The following C7orf57 variants were observed in gnomAD, a reference collection of about 807,000 sequenced individuals.
The protein encoded by C7orf57 is chromosome 7 open reading frame 57, also known as uncharacterized protein C7orf57.
In C7orf57, 33 loss-of-function variants were observed where a neutral mutation model predicts 39.0. That is an observed-to-expected ratio of 0.85 (90% confidence interval 0.64 to 1.13). The LOEUF is 1.13. C7orf57 is among the 50% of genes most tolerant of loss of function. The probability of loss-of-function intolerance (pLI) is 0.00; values close to 1 mark genes in which losing one functional copy is unlikely to be tolerated. For synonymous variants in C7orf57, 124 were observed against 137.1 expected (o/e 0.90, Z 0.67); for missense variants, 346 against 362.3 (o/e 0.95, Z 0.37).
intron 2 of C7orf57, among the ~76,000 whole-genome samples, chr7:48,040,373 A>G (rs1790511058): frequency 6.6e-6 from 1 of 152,190 alleles, no homozygotes; most frequent in Admixed American, 6.5e-5. Flanking sequence ...CACACAATCT[A>G]CACTCACTGT....
At position 48,052,940 on chromosome 7, in the gene C7orf57, CA is replaced by C; in HGVS notation, c.829+18del. 6.3e-7 allele frequency: 1 copy of C among 1,587,382 alleles called. No homozygotes were observed. Among genetic ancestry groups the C allele is most frequent in the Non-Finnish European group, 8.6e-7 (1 of 1,156,934 alleles). On this transcript the variant is annotated intron_variant, in intron 7 of 8. Coordinates refer to ENST00000348904, the MANE Select transcript of C7orf57 (RefSeq NM_001100159.3). ...ACACCCCAGGTGAGGCACAAGCAGC[CA>C]TCTGCATTTATTGGAGGCTTGGTTA...
rs561107896 is a variant in C7orf57 at position 48,046,674 on chromosome 7, G to A, written c.507+58G>A. On this transcript the variant is annotated intron_variant, in intron 5 of 8. Transcript: ENST00000348904. Reference sequence around the variant, plus strand: ...ATCCGCTTTGCTTCTGTGGTCTCGAGTAATTAAGTGCTGTGATGTTAGCTG... The same window carrying A: ...ATCCGCTTTGCTTCTGTGGTCTCGAATAATTAAGTGCTGTGATGTTAGCTG... 3.2e-4 allele frequency: 492 copies of A among 1,550,504 alleles called. 6 individuals carry two copies. In the African/African-American group the frequency reaches 6.0e-3, roughly 19 times the overall value.
chr7:48,045,693 G>T (rs1244626888), intron 4 of C7orf57, among the ~76,000 whole-genome samples: 1 of 152,172 alleles, frequency 6.6e-6, no homozygotes, highest in African/African-American at 2.4e-5. Flanking sequence ...GACACTGCAT[G>T]GGGGGTTTGT....
At chr7:48,046,640 G>T (rs150041609) in intron 5 of C7orf57, 24 bp downstream of exon 5, 9 of 1,601,958 alleles carry the variant, frequency 5.6e-6, no homozygotes, top group Non-Finnish European at 7.7e-6. Context: ...ATAAATAGAC[G>T]GCATCCGCAT....
rs180700984 is a variant in C7orf57 at position 48,048,047 on chromosome 7, T to G, written c.507+1431T>G. On this transcript the variant is annotated intron_variant, in intron 5 of 8. Transcript: ENST00000348904. ...GTATCACTCTCAAATCAAGTGGGGT[T>G]TTTAAGTTAGTACCCATTTACAAAA... Among the ~76,000 whole-genome samples, 153 of 152,236 alleles carry G rather than the reference T, an allele frequency of 1.0e-3. 1 individual carries two copies. The highest frequency in any genetic ancestry group is 1.2e-3 in the Admixed American group (19 of 15,302).
intron 6 of C7orf57, among the ~76,000 whole-genome samples, chr7:48,051,668 C>T (rs968610051): frequency 6.7e-6 from 1 of 149,612 alleles, no homozygotes; most frequent in Non-Finnish European, 1.5e-5. Flanking sequence ...TCCTTTCTTC[C>T]TTTCTTCCTT....
At position 48,060,343 on chromosome 7, in the gene C7orf57, T is replaced by C; in HGVS notation, c.*71T>C. The C allele has an allele frequency of 4.2e-6, 4 of 945,572 alleles. No individual in the cohort carries two copies. The highest frequency in any genetic ancestry group is 5.5e-4 in the Middle Eastern group (2 of 3,636). The allele number at this position is 945,572 out of a possible 1,614,324, so 58.6% of individuals were successfully genotyped here. On this transcript the variant is annotated 3_prime_UTR_variant, in exon 9 of 9. Coordinates refer to ENST00000348904, the MANE Select transcript of C7orf57 (RefSeq NM_001100159.3). The stretch of plus-strand genomic sequence containing the variant: ...ATGACATGACTGTATTATAGCTATA[T>C]TTCTGAGGCTTTTTTTGTATTTTAT...
intron 6 of C7orf57, among the ~76,000 whole-genome samples, chr7:48,051,424 C>A (rs1345960306): frequency 7.2e-6 from 1 of 139,088 alleles, no homozygotes; most frequent in South Asian, 2.3e-4. Context: ...AATCTTGGCT[C>A]ACTGCAAGCT....
intron 6 of C7orf57, among the ~76,000 whole-genome samples, chr7:48,051,810 TTCTCTTC>T (rs1790920817): frequency 1.3e-5 from 1 of 74,470 alleles, no homozygotes; most frequent in African/African-American, 5.9e-5. Context: ...TTCCTTCCTT[TTCTCTTC>T]TCTTTCTTTC....
At chr7:48,050,390 G>C (rs1329540733) in intron 6 of C7orf57, among the ~76,000 whole-genome samples, 1 of 152,220 alleles carries the variant, frequency 6.6e-6, no homozygotes, top group Non-Finnish European at 1.5e-5. Context: ...AAGCGTGCTG[G>C]CTCTGTTTCC....
chr7:48,043,906 A>G (rs558062366), intron 4 of C7orf57, among the ~76,000 whole-genome samples: 1 of 151,734 alleles, frequency 6.6e-6, no homozygotes, highest in East Asian at 1.9e-4. Flanking sequence ...TGCTTCCAAG[A>G]TGGTGGTGGG....
At position 48,060,378 on chromosome 7, in the gene C7orf57, C is replaced by T. The variant is rs1466657595; in HGVS notation, c.*106C>T. ...TTTTTTTGTATTTTATTAATATAGA[C>T]TCTCATTGAATAATTTACCTTGCAG... is the stretch of plus-strand genomic sequence containing the variant. On this transcript the variant is annotated 3_prime_UTR_variant, in exon 9 of 9. Transcript: ENST00000348904. 4.7e-6 allele frequency: 3 copies of T among 640,630 alleles called. No individual in the cohort carries two copies. Among genetic ancestry groups the T allele is most frequent in the Non-Finnish European group, 7.7e-6 (3 of 387,488 alleles). The allele number at this position is 640,630 out of a possible 1,614,324, so 39.7% of individuals were successfully genotyped here.
At chr7:48,045,535 G>C (rs1879830) in intron 4 of C7orf57, among the ~76,000 whole-genome samples, 131,212 of 152,064 alleles carry the variant, frequency 0.86, 57,072 homozygotes, top group Non-Finnish European at 0.93. Flanking sequence ...ACCTCCTTCA[G>C]GTGCTTTGCT....
At chr7:48,053,372 A>G (rs1025355391) in intron 7 of C7orf57, among the ~76,000 whole-genome samples, 1 of 152,158 alleles carries the variant, frequency 6.6e-6, no homozygotes, top group Non-Finnish European at 1.5e-5. Context: ...GCATGTCTTA[A>G]GCTTTGAATA....
intron 8 of C7orf57, among the ~76,000 whole-genome samples, chr7:48,059,750 C>A (rs1403031151): frequency 6.6e-6 from 1 of 152,112 alleles, no homozygotes; most frequent in Non-Finnish European, 1.5e-5. Context: ...TTTTGACGTG[C>A]CCTAAAGCTG....
intron 2 of C7orf57, among the ~76,000 whole-genome samples, chr7:48,038,679 T>C (rs1028001519): frequency 6.6e-6 from 1 of 152,172 alleles, no homozygotes; most frequent in African/African-American, 2.4e-5. Context: ...AAGCCAAATA[T>C]GAGTGACCAA....
intron 2 of C7orf57, among the ~76,000 whole-genome samples, chr7:48,040,188 C>A (rs1583801115): frequency 1.3e-5 from 2 of 152,322 alleles, no homozygotes; most frequent in East Asian, 3.9e-4. Flanking sequence ...TCCTGGATAC[C>A]CTCAGCTCAA....
intron 2 of C7orf57, among the ~76,000 whole-genome samples, chr7:48,036,945 C>A (rs62447111): frequency 6.7e-6 from 1 of 149,206 alleles, no homozygotes; most frequent in Admixed American, 6.6e-5. Context: ...TTTTTTTTTC[C>A]TTTTGCTATT....
intron 6 of C7orf57, among the ~76,000 whole-genome samples, chr7:48,052,162 CG>C (rs1168593093): frequency 1.3e-5 from 2 of 151,742 alleles, no homozygotes; most frequent in Admixed American, 1.3e-4. Context: ...TTCGTGGAGA[CG>C]GGGTTTCACC....
Sources: allele counts gnomAD v4.1 joint callset (sites outside exome capture counted in the v4.1 genomes callset), GRCh38; gene constraint gnomAD v4.1.1; transcripts MANE v1.5; gene names NCBI Gene and HGNC (gene_info 2026-07-23, HGNC 2026-07-21).